Variants in DET1 observed in about 807,000 individuals in gnomAD.
DET1 encodes DET1 homolog.
A neutral mutation model predicts 43.7 loss-of-function variants in DET1; 22 were observed. The ratio of observed to expected loss-of-function variants is 0.50; its 90% CI spans 0.36 to 0.72. The LOEUF (loss-of-function observed/expected upper bound fraction) is 0.72, where lower values mean the gene tolerates loss of function less well. Among genes scored for constraint, DET1 ranks in the 30% least tolerant of loss-of-function variants. The probability of loss-of-function intolerance (pLI) is 0.00; values close to 1 mark genes in which losing one functional copy is unlikely to be tolerated. For synonymous variants in DET1, 315 were observed against 266.2 expected (o/e 1.18, Z -1.79); for missense variants, 713 against 713.3 (o/e 1.00, Z 0.00).
rs1054909643 is a variant in DET1, at chr15:88,504,537, G to A, written c.*2066-550C>T. 4 of 152,026 alleles carry A rather than the reference G, an allele frequency of 2.6e-5. No homozygotes were observed. The highest frequency in any genetic ancestry group is 5.9e-5 in the Non-Finnish European group (4 of 68,020). The allele number at this position is 152,026 out of a possible 1,614,324, so 9.4% of individuals were successfully genotyped here. ...TTGTTTTCTGATGACTTGACATCTT[G>A]GGGCTGTACTGACCCTGGACTGCCC... On this transcript the variant is annotated intron_variant and NMD_transcript_variant, in intron 7 of 8. Coordinates refer to the DET1 transcript ENST00000557842. This position sits in a 1 kb window ranked among gnomAD's most constrained non-coding sequence, Gnocchi z 4.7.
intron 2 of DET1, among the ~76,000 whole-genome samples, chr15:88,530,203 G>A (rs552962881): frequency 1.1e-4 from 17 of 152,288 alleles, no homozygotes; most frequent in South Asian, 2.1e-4. Flanking sequence ...TGAAAGTGGG[G>A]TTACTTAGAG....
At chr15:88,527,896 C>A (rs76384627) in intron 2 of DET1, 110 bp from the exon 3 acceptor site, 1 of 341,290 alleles carries the variant, frequency 2.9e-6, no homozygotes, top group Non-Finnish European at 4.5e-6. Flanking sequence ...TTTCCAAAAA[C>A]AACAACAACA....
downstream of DET1, chr15:88,512,317 C>G (rs1411279859): frequency 1.0e-6 from 1 of 984,162 alleles, no homozygotes; most frequent in African/African-American, 1.7e-5. Flanking sequence ...GGAAACAATC[C>G]TGGCAGATAA....
Position 88,516,898 on chromosome 15 carries a change from G to T in DET1, c.1347C>A (p.Pro449=). 6.2e-7 allele frequency: 1 copy of T among 1,610,860 alleles called. No individual in the cohort carries two copies. The highest frequency in any genetic ancestry group is 8.5e-7 in the Non-Finnish European group (1 of 1,178,554). ...EAVRRLLGQL[P]ISAQSYSGSP... is the part of the protein sequence containing the mutation. ...TACCGCTGTAAGACTGAGCACTGAT[G>T]GGGAGCTGACCCAGCAGCCGGCGTA... Residue 449 remains proline (P), a synonymous_variant, in exon 4 of 5, where the codon CCC becomes CCA. Coordinates refer to ENST00000268148, the MANE Select transcript of DET1 (RefSeq NM_001144074.3). This position sits in a 1 kb window ranked among gnomAD's most constrained non-coding sequence, Gnocchi z 4.4.
intron 1 of DET1, among the ~76,000 whole-genome samples, chr15:88,542,899 GAA>G (rs1329538611): frequency 1.3e-5 from 2 of 152,172 alleles, no homozygotes; most frequent in Non-Finnish European, 2.9e-5. Flanking sequence ...ACTGCCACAA[GAA>G]AAGTCAGAAA....
chr15:88,513,197 C>T (rs993435573), intron 4 of DET1, 57 bp from the exon 5 acceptor site: 9 of 1,498,042 alleles, frequency 6.0e-6, no homozygotes, highest in South Asian at 3.9e-5. Context: ...TATTCACCAT[C>T]GAACTGAAAT....
At position 88,504,540 on chromosome 15, in the gene DET1, G is replaced by A. The variant is rs1567053818; in HGVS notation, c.*2066-553C>T. ...TTTTCTGATGACTTGACATCTTGGGGCTGTACTGACCCTGGACTGCCCCTC... is the reference window on the plus strand; with the variant it reads ...TTTTCTGATGACTTGACATCTTGGGACTGTACTGACCCTGGACTGCCCCTC... On this transcript the variant is annotated intron_variant and NMD_transcript_variant, in intron 7 of 8. Transcript: ENST00000557842. The surrounding 1 kb of genome is among the most constrained non-coding windows in gnomAD (Gnocchi z 4.7). 1 of 152,050 alleles carries A rather than the reference G, an allele frequency of 6.6e-6. No homozygotes were observed. The highest frequency in any genetic ancestry group is 1.9e-4 in the East Asian group (1 of 5,176). 9.4% of individuals were successfully genotyped at this position (152,050 alleles called of 1,614,324 possible).
In DET1 at chr15:88,542,439, G is replaced by A. The variant is rs368377839; in HGVS notation, c.-11+4101C>T. On this transcript the variant is annotated intron_variant, in intron 1 of 4. Transcript: ENST00000268148. Reference sequence around the variant, plus strand: ...AGGGGCCTGATGAGTCACCAGGAGCGTTTTTAGAATGTCTCCAGGAGGCTT... The same window carrying A: ...AGGGGCCTGATGAGTCACCAGGAGCATTTTTAGAATGTCTCCAGGAGGCTT... Among the ~76,000 whole-genome samples the A allele has an allele frequency of 3.9e-3, 601 of 152,192 alleles. 3 individuals are homozygous for A. Among genetic ancestry groups the A allele is most frequent in the African/African-American group, 0.014 (562 of 41,534 alleles).
intron 1 of DET1, among the ~76,000 whole-genome samples, chr15:88,542,257 C>A (rs540114122): frequency 5.9e-5 from 9 of 152,232 alleles, no homozygotes; most frequent in Admixed American, 5.9e-4. Flanking sequence ...AGCTAGAGAC[C>A]TCCTGGAGGA....
chr15:88,509,479 G>T (rs2056174805), downstream of DET1, among the ~76,000 whole-genome samples: 1 of 152,206 alleles, frequency 6.6e-6, no homozygotes, highest in African/African-American at 2.4e-5. Flanking sequence ...AATAGACATG[G>T]TTTTTCTGCA....
intron 3 of DET1, among the ~76,000 whole-genome samples, chr15:88,525,130 A>G (rs1333095922): frequency 1.3e-5 from 2 of 152,200 alleles, no homozygotes; most frequent in Admixed American, 6.5e-5. Flanking sequence ...ATTTGCTGTG[A>G]ATTTTTCATA....
At chr15:88,505,379 A>G (rs1197529358) in intron 7 of DET1, 1 of 152,138 alleles carries the variant, frequency 6.6e-6, no homozygotes, top group Non-Finnish European at 1.5e-5. Context: ...CCAAAAAAAC[A>G]CCTCCTGCTT....
At chr15:88,517,648 T>A (rs2056382535) in intron 3 of DET1, among the ~76,000 whole-genome samples, 1 of 152,190 alleles carries the variant, frequency 6.6e-6, no homozygotes, top group South Asian at 2.1e-4. Flanking sequence ...CAAGAACTTA[T>A]TTTCCCCAAA....
At chr15:88,529,163 G>A (rs569713595) in intron 2 of DET1, among the ~76,000 whole-genome samples, 1 of 152,318 alleles carries the variant, frequency 6.6e-6, no homozygotes, top group South Asian at 2.1e-4. Flanking sequence ...AAAGGCAGCA[G>A]TCACAGACAA....
chr15:88,528,432 C>T (rs888525229), intron 2 of DET1, among the ~76,000 whole-genome samples: 2 of 152,164 alleles, frequency 1.3e-5, no homozygotes, highest in Non-Finnish European at 1.5e-5. Flanking sequence ...ATCAGATAGG[C>T]GTTTTCCACT....
At position 88,512,851 on chromosome 15, in the gene DET1, C is replaced by T; in HGVS notation, c.*100G>A. The T allele has an allele frequency of 6.6e-7, 1 of 1,517,422 alleles. No individual in the cohort carries two copies. The highest frequency in any genetic ancestry group is 2.3e-5 in the East Asian group (1 of 43,364). 94.0% of individuals were successfully genotyped at this position (1,517,422 alleles called of 1,614,324 possible). A position where few individuals can be genotyped will look rare whatever the true frequency, so the allele number is the denominator to read the frequency against. On this transcript the variant is annotated 3_prime_UTR_variant, in exon 5 of 5. Transcript: ENST00000268148. The stretch of plus-strand genomic sequence containing the variant: ...CCATCTGAGGTATAGCAGGCTGGAA[C>T]TAACAGAGCTAGTAGTCGGGAGCTT...
At chr15:88,539,130 G>C (rs911625956) in intron 1 of DET1, among the ~76,000 whole-genome samples, 5 of 151,174 alleles carry the variant, frequency 3.3e-5, no homozygotes, top group Non-Finnish European at 5.9e-5. Context: ...TCTTATTCAA[G>C]TTTCTTGGAG....
At chr15:88,545,137 C>T (rs1007567054) in intron 1 of DET1, among the ~76,000 whole-genome samples, 3 of 152,076 alleles carry the variant, frequency 2.0e-5, no homozygotes, top group Admixed American at 6.5e-5. Context: ...GATCTTCATT[C>T]GGTAACTCGT....
chr15:88,512,142 G>A (rs1446409777), downstream of DET1, among the ~76,000 whole-genome samples: 1 of 152,186 alleles, frequency 6.6e-6, no homozygotes, highest in African/African-American at 2.4e-5. Flanking sequence ...CCAAATTACA[G>A]TACGTGCTAC....
Sources: gnomAD v4.1 joint callset for allele counts (sites outside exome capture counted in the v4.1 genomes callset) on GRCh38, gnomAD v4.1.1 for gene constraint, Gnocchi (gnomAD v3.1) non-coding constraint, MANE v1.5 for transcripts, NCBI Gene and HGNC (gene_info 2026-07-23, HGNC 2026-07-21) for gene names.